SNTG1: variants seen among roughly 807,000 people sequenced by gnomAD.
SNTG1 encodes the protein gamma-1-syntrophin.
A neutral mutation model predicts 74.7 loss-of-function variants in SNTG1; 39 were observed. The observed-to-expected ratio is 0.52, with a 90% CI of 0.40 to 0.68. The LOEUF (loss-of-function observed/expected upper bound fraction) is 0.68. Among genes scored for constraint, SNTG1 ranks in the 30% least tolerant of loss-of-function variants. The pLI, the probability that SNTG1 is intolerant of heterozygous loss-of-function variation, is 0.00. For missense variants in SNTG1, 685 were observed against 609.5 expected, an observed-to-expected ratio of 1.12 and a Z score of -1.30; for synonymous variants, 254 against 217.1, an observed-to-expected ratio of 1.17 and a Z score of -1.49.
chr8:50,673,844 A>G (rs566963265), intron 15 of SNTG1, among the ~76,000 whole-genome samples: 1 of 152,146 alleles, frequency 6.6e-6, no homozygotes, highest in Non-Finnish European at 1.5e-5. Flanking sequence ...ATTTTGAGAT[A>G]TGTTCCATCA....
intron 1 of SNTG1, among the ~76,000 whole-genome samples, chr8:50,007,706 A>T (rs1815374110): frequency 6.6e-6 from 1 of 152,120 alleles, no homozygotes; most frequent in African/African-American, 2.4e-5. Context: ...GGGTGGGGAG[A>T]TTTCTTTGAA....
At chr8:50,126,341 T>A (rs1170870343) in intron 1 of SNTG1, among the ~76,000 whole-genome samples, 1 of 152,084 alleles carries the variant, frequency 6.6e-6, no homozygotes, top group African/African-American at 2.4e-5. Context: ...ACTATTCACA[T>A]CCATAACTGA....
intron 11 of SNTG1, among the ~76,000 whole-genome samples, chr8:50,546,583 A>G (rs1353955859): frequency 2.2e-5 from 3 of 133,738 alleles, no homozygotes; most frequent in African/African-American, 8.6e-5. Flanking sequence ...TTTCCTGTGT[A>G]AATGTGTTCT....
chr8:50,532,028 A>T (rs915272409), intron 10 of SNTG1, among the ~76,000 whole-genome samples: 1 of 152,176 alleles, frequency 6.6e-6, no homozygotes, highest in African/African-American at 2.4e-5. Flanking sequence ...CCAATTCTAT[A>T]ACATCCCAAA....
At chr8:50,112,013 T>C (rs1406716636) in intron 1 of SNTG1, among the ~76,000 whole-genome samples, 1 of 152,094 alleles carries the variant, frequency 6.6e-6, no homozygotes, top group African/African-American at 2.4e-5. Context: ...TTAAGAAAAT[T>C]ATATTTTATC....
chr8:50,346,194 C>T (rs1348783775), intron 2 of SNTG1, among the ~76,000 whole-genome samples: 2 of 152,316 alleles, frequency 1.3e-5, no homozygotes, highest in African/African-American at 4.8e-5. Flanking sequence ...GACAACAGTG[C>T]ATCAAGCAAG....
At chr8:50,594,252 A>C (rs1466566058) in intron 13 of SNTG1, among the ~76,000 whole-genome samples, 2 of 152,164 alleles carry the variant, frequency 1.3e-5, no homozygotes, top group East Asian at 3.9e-4. Flanking sequence ...TTAGGTTATA[A>C]TTTATTATGT....
chr8:49,980,401 G>T (rs1488198015), intron 1 of SNTG1, among the ~76,000 whole-genome samples: 4 of 151,468 alleles, frequency 2.6e-5, no homozygotes, highest in African/African-American at 9.7e-5. Flanking sequence ...TTGTACATGC[G>T]CTTGTAAGTA....
At chr8:50,549,550 T>C (rs1462051939) in intron 11 of SNTG1, among the ~76,000 whole-genome samples, 1 of 152,086 alleles carries the variant, frequency 6.6e-6, no homozygotes, top group Non-Finnish European at 1.5e-5. Context: ...AACATGATCC[T>C]TTTCCTCCAA....
intron 12 of SNTG1, among the ~76,000 whole-genome samples, chr8:50,554,655 C>T (rs1328214563): frequency 6.6e-6 from 1 of 151,478 alleles, no homozygotes; most frequent in Non-Finnish European, 1.5e-5. Flanking sequence ...TGAGGTTGCA[C>T]AAGAGGGCAT....
At chr8:50,187,651 A>G (rs1032872372) in intron 2 of SNTG1, among the ~76,000 whole-genome samples, 1 of 152,168 alleles carries the variant, frequency 6.6e-6, no homozygotes, top group South Asian at 2.1e-4. Flanking sequence ...AGTTTTCATG[A>G]GCATAAACCA....
chr8:50,187,429 T>A (rs2131753695), intron 2 of SNTG1, among the ~76,000 whole-genome samples: 1 of 152,266 alleles, frequency 6.6e-6, no homozygotes, highest in East Asian at 1.9e-4. Flanking sequence ...GGATTCCCTA[T>A]TTAAGAAATG....
intron 12 of SNTG1, among the ~76,000 whole-genome samples, chr8:50,560,704 C>G (rs2094482688): frequency 6.6e-6 from 1 of 152,056 alleles, no homozygotes. Flanking sequence ...ACAACACACA[C>G]TGTGGCTGGT....
chr8:50,698,318 G>T (rs552822279), intron 15 of SNTG1, among the ~76,000 whole-genome samples: 27 of 152,188 alleles, frequency 1.8e-4, no homozygotes, highest in Admixed American at 1.2e-3. Context: ...CCCATTTTTG[G>T]TGGGGCTCAC....
At chr8:50,249,703 A>G (rs757755516) in intron 2 of SNTG1, among the ~76,000 whole-genome samples, 1 of 152,180 alleles carries the variant, frequency 6.6e-6, no homozygotes, top group African/African-American at 2.4e-5. Context: ...AATCTCACAC[A>G]TCACAATCAA....
intron 1 of SNTG1, among the ~76,000 whole-genome samples, chr8:49,988,668 A>G (rs1466753927): frequency 6.6e-6 from 1 of 152,172 alleles, no homozygotes; most frequent in East Asian, 1.9e-4. Context: ...ACTTTAGAGA[A>G]TAACCAATGT....
intron 1 of SNTG1, among the ~76,000 whole-genome samples, chr8:50,038,147 G>T (rs1244435029): frequency 6.6e-6 from 1 of 152,078 alleles, no homozygotes; most frequent in Non-Finnish European, 1.5e-5. Context: ...CTTGACAATT[G>T]CCCATAGGTG....
intron 1 of SNTG1, among the ~76,000 whole-genome samples, chr8:50,039,235 C>A (rs1256805552): frequency 6.6e-6 from 1 of 151,964 alleles, no homozygotes; most frequent in Non-Finnish European, 1.5e-5. Context: ...GAGGGCAGAT[C>A]ACAAGGTCAG....
intron 1 of SNTG1, among the ~76,000 whole-genome samples, chr8:50,089,985 T>C (rs1041383263): frequency 1.3e-5 from 2 of 152,242 alleles, no homozygotes; most frequent in African/African-American, 4.8e-5. Context: ...TTATTCACAA[T>C]ATAATTTATT....
Sources: allele counts gnomAD v4.1 joint callset (sites outside exome capture counted in the v4.1 genomes callset), GRCh38; gene constraint gnomAD v4.1.1; transcripts MANE v1.5; gene names NCBI Gene and HGNC (gene_info 2026-07-23, HGNC 2026-07-21).